Variants in SEMA6D observed in about 807,000 individuals in gnomAD.
The protein encoded by SEMA6D is semaphorin 6D.
Under a neutral mutation model 106.6 loss-of-function variants are expected in SEMA6D, and 35 were observed. The observed-to-expected ratio is 0.33, with a 90% CI of 0.25 to 0.44. The LOEUF is 0.44. SEMA6D is among the 20% of genes least tolerant of loss of function. The pLI is 1.00. For synonymous variants in SEMA6D, 499 were observed against 487.7 expected (o/e 1.02, Z -0.31); for missense variants, 1,185 against 1,345.9 (o/e 0.88, Z 1.87).
intron 4 of SEMA6D, among the ~76,000 whole-genome samples, chr15:47,601,746 T>C (rs1228458719): frequency 1.3e-5 from 2 of 152,222 alleles, no homozygotes; most frequent in South Asian, 2.1e-4. Context: ...CATGTGTTAA[T>C]TGGAAAATAG....
intron 4 of SEMA6D, among the ~76,000 whole-genome samples, chr15:47,665,080 T>C (rs970465022): frequency 6.6e-6 from 1 of 152,176 alleles, no homozygotes; most frequent in Non-Finnish European, 1.5e-5. Context: ...CCTATTTTAA[T>C]GTCTTCCTCT....
chr15:47,633,764 A>G (rs1442381135), intron 4 of SEMA6D, among the ~76,000 whole-genome samples: 2 of 152,180 alleles, frequency 1.3e-5, no homozygotes, highest in Non-Finnish European at 1.5e-5. Context: ...GATACAAACG[A>G]TAACTCTTTT....
At chr15:47,761,102 C>T in intron 4 of SEMA6D, 56 bp from the exon 5 acceptor site, 1 of 1,610,990 alleles carries the variant, frequency 6.2e-7, no homozygotes, top group South Asian at 1.1e-5. Context: ...TTTCCCACTG[C>T]CTCCCCAAAA....
At chr15:47,766,771 G>A (rs1008904232) in intron 16 of SEMA6D, 94 bp downstream of exon 16, 5 of 842,530 alleles carry the variant, frequency 5.9e-6, no homozygotes, top group Middle Eastern at 2.2e-4. Context: ...AATGACTCAG[G>A]ACACATACCA....
At chr15:47,570,292 GCTGGATGCCCTGCA>G (rs1436943966) in intron 3 of SEMA6D, among the ~76,000 whole-genome samples, 2 of 152,164 alleles carry the variant, frequency 1.3e-5, no homozygotes, top group African/African-American at 4.8e-5. Flanking sequence ...CTGGTTCCAG[GCTGGATGCCCTGCA>G]CTGCATGTAG....
At chr15:47,235,627 G>C (rs1354470250) in intron 1 of SEMA6D, among the ~76,000 whole-genome samples, 1 of 152,064 alleles carries the variant, frequency 6.6e-6, no homozygotes, top group Non-Finnish European at 1.5e-5. Context: ...TCAGTTGGTT[G>C]TAAGTATTTG....
chr15:47,535,069 C>CAAAAAAAAAAA (rs796493775), intron 3 of SEMA6D, among the ~76,000 whole-genome samples: 1 of 93,272 alleles, frequency 1.1e-5, no homozygotes, highest in Admixed American at 1.2e-4. Context: ...AAGAATGTGA[C>CAAAAAAAAAAA]AAAAAAAAAA....
intron 1 of SEMA6D, among the ~76,000 whole-genome samples, chr15:47,337,501 T>G (rs1278387648): frequency 6.6e-6 from 1 of 152,048 alleles, no homozygotes; most frequent in Non-Finnish European, 1.5e-5. Flanking sequence ...ATGAAAATGC[T>G]CAGAGGGCTA....
chr15:47,578,509 C>A (rs2142993671), intron 3 of SEMA6D, among the ~76,000 whole-genome samples: 1 of 152,322 alleles, frequency 6.6e-6, no homozygotes, highest in East Asian at 1.9e-4. Flanking sequence ...ACTAATTGAT[C>A]TAACCAAATG....
intron 3 of SEMA6D, among the ~76,000 whole-genome samples, chr15:47,492,430 T>C (rs2043503115): frequency 1.3e-5 from 2 of 152,204 alleles, no homozygotes; most frequent in African/African-American, 4.8e-5. Flanking sequence ...TACACATTTC[T>C]GAGGCAAATG....
intron 4 of SEMA6D, among the ~76,000 whole-genome samples, chr15:47,661,949 A>T (rs1212325543): frequency 6.6e-6 from 1 of 152,216 alleles, no homozygotes; most frequent in Non-Finnish European, 1.5e-5. Context: ...CATTTCTGGC[A>T]TTCCTAACAG....
rs59681604 is a variant in SEMA6D at position 47,758,173 on chromosome 15, T to C, written c.-54-1572T>C. On this transcript the variant is annotated intron_variant, in intron 1 of 18. Coordinates refer to ENST00000536845, the MANE Select transcript of SEMA6D (RefSeq NM_001358351.3). ...AAAACTGCTGCAATATATTATTCTC[T>C]TTTTGAAAAACTGGGACTCTAAAAC... Among the ~76,000 whole-genome samples the C allele has an allele frequency of 1.1e-3, 167 of 152,334 alleles. 3 individuals carry two copies. In the East Asian group the frequency reaches 0.028, roughly 25 times the overall value.
intron 4 of SEMA6D, among the ~76,000 whole-genome samples, chr15:47,710,723 T>A (rs1187220498): frequency 6.6e-6 from 1 of 152,202 alleles, no homozygotes; most frequent in South Asian, 2.1e-4. Context: ...CTCTAACCAG[T>A]CCTTCTGGAC....
chr15:47,634,785 T>C (rs1280314658), intron 4 of SEMA6D, among the ~76,000 whole-genome samples: 2 of 141,154 alleles, frequency 1.4e-5, no homozygotes, highest in African/African-American at 2.7e-5. Context: ...GACAGCACCA[T>C]AGTGAGGAAG....
intron 3 of SEMA6D, among the ~76,000 whole-genome samples, chr15:47,470,918 G>T (rs573808235): frequency 6.6e-6 from 1 of 152,158 alleles, no homozygotes; most frequent in Non-Finnish European, 1.5e-5. Flanking sequence ...CCTTTGTGGG[G>T]TGTTCCCAAA....
At chr15:47,328,183 A>G (rs1301644294) in intron 1 of SEMA6D, among the ~76,000 whole-genome samples, 1 of 152,222 alleles carries the variant, frequency 6.6e-6, no homozygotes, top group Non-Finnish European at 1.5e-5. Flanking sequence ...TTTCTATTCA[A>G]AATACCTTAG....
chr15:47,421,903 AAAT>A (rs2041170593), intron 2 of SEMA6D, among the ~76,000 whole-genome samples: 1 of 152,086 alleles, frequency 6.6e-6, no homozygotes, highest in Admixed American at 6.6e-5. Flanking sequence ...TAGAATCTAT[AAAT>A]AATCAATTTA....
At chr15:47,490,627 A>C (rs1426028646) in intron 3 of SEMA6D, among the ~76,000 whole-genome samples, 1 of 152,216 alleles carries the variant, frequency 6.6e-6, no homozygotes, top group African/African-American at 2.4e-5. Context: ...CCTGGGCAAC[A>C]GAGTAAGGCT....
rs866142745 is a variant in SEMA6D, at chr15:47,494,755, T to G, written c.-87+24210T>G. ...AGTGGGATGGAGATATATATATATA[T>G]ATATATATATATATATATATATATA... On this transcript the variant is annotated intron_variant, in intron 3 of 19. Transcript: ENST00000558014. Among the ~76,000 whole-genome samples, 133 of 72,384 alleles carry G rather than the reference T, an allele frequency of 1.8e-3. 1 individual carries two copies. Among genetic ancestry groups the G allele is most frequent in the African/African-American group, 0.011 (125 of 11,288 alleles). The allele number at this position is 72,384 out of a possible 152,430, so 47.5% of individuals were successfully genotyped here.
Sources: gnomAD v4.1 joint callset for allele counts (sites outside exome capture counted in the v4.1 genomes callset) on GRCh38, gnomAD v4.1.1 for gene constraint, MANE v1.5 for transcripts, NCBI Gene and HGNC (gene_info 2026-07-23, HGNC 2026-07-21) for gene names.